LPAR6: variants seen among roughly 807,000 people sequenced by gnomAD.
LPAR6 encodes lysophosphatidic acid receptor 6.
In LPAR6, 17 loss-of-function variants were observed where a neutral mutation model predicts 22.0. The observed-to-expected ratio is 0.77, with a 90% CI of 0.53 to 1.16. The LOEUF is 1.16. Among genes scored for constraint, LPAR6 ranks in the 50% most tolerant of loss-of-function variants. LPAR6 has a pLI of 0.00. For synonymous variants in LPAR6, 136 were observed against 139.8 expected (o/e 0.97, Z 0.19); for missense variants, 384 against 406.9 (o/e 0.94, Z 0.48).
At chr13:48,391,494 C>T (rs1459935702) in intron 1 of LPAR6, 1 of 152,108 alleles carries the variant, frequency 6.6e-6, no homozygotes, top group Non-Finnish European at 1.5e-5. Flanking sequence ...GTGGCTCATA[C>T]CCGTAATCCC....
chr13:48,436,048 G>T (rs1303566157), intron 1 of LPAR6, among the ~76,000 whole-genome samples: 4 of 152,134 alleles, frequency 2.6e-5, no homozygotes, highest in Admixed American at 2.6e-4. Context: ...ATGTTAAAAG[G>T]ATGAATGAAA....
downstream of LPAR6, among the ~76,000 whole-genome samples, chr13:48,409,533 A>G (rs1054460617): frequency 2.7e-5 from 4 of 150,264 alleles, no homozygotes; most frequent in Non-Finnish European, 5.9e-5. Context: ...CTTAAATAGA[A>G]GGCATTCTTT....
intron 1 of LPAR6, among the ~76,000 whole-genome samples, chr13:48,396,692 T>C (rs1316594657): frequency 6.6e-6 from 1 of 152,030 alleles, no homozygotes; most frequent in Non-Finnish European, 1.5e-5. Context: ...AAAGAAACTA[T>C]CTTCAGAGTG....
At chr13:48,417,097 A>T (rs1446369525), upstream of LPAR6, 1 of 152,354 alleles carries the variant, frequency 6.6e-6, no homozygotes, top group African/African-American at 2.4e-5. Context: ...CTGCCTCCTC[A>T]AGTGGGTCTC....
downstream of LPAR6, among the ~76,000 whole-genome samples, chr13:48,408,389 A>T (rs149495106): frequency 1.3e-5 from 2 of 152,036 alleles, no homozygotes. Flanking sequence ...ACACCTGAAA[A>T]ATTTTCTCAG....
chr13:48,390,189 A>G (rs1384002152), intron 1 of LPAR6, among the ~76,000 whole-genome samples: 1 of 152,202 alleles, frequency 6.6e-6, no homozygotes, highest in Non-Finnish European at 1.5e-5. Flanking sequence ...ACAAACAAAC[A>G]AAAAGTAACA....
At chr13:48,406,811 T>G (rs1488198814), downstream of LPAR6, 5 of 152,246 alleles carry the variant, frequency 3.3e-5, no homozygotes, top group East Asian at 7.7e-4. Flanking sequence ...CCCAGCTGCT[T>G]GAGAGGCTGA....
chr13:48,425,168 T>C (rs1023312129), intron 1 of LPAR6, among the ~76,000 whole-genome samples: 2 of 152,224 alleles, frequency 1.3e-5, no homozygotes, highest in African/African-American at 4.8e-5. Context: ...AAAGAGCTTC[T>C]TGAGGAGATG....
chr13:48,407,947 G>T (rs1948754509), downstream of LPAR6, among the ~76,000 whole-genome samples: 1 of 152,104 alleles, frequency 6.6e-6, no homozygotes, highest in South Asian at 2.1e-4. Flanking sequence ...CTTGGAAATA[G>T]TAATTTAATA....
intron 2 of LPAR6, among the ~76,000 whole-genome samples, chr13:48,422,130 A>G (rs1013846896): frequency 2.0e-5 from 3 of 152,228 alleles, no homozygotes; most frequent in South Asian, 2.1e-4. Flanking sequence ...ATGCGCATCA[A>G]TGATAGACAG....
At chr13:48,443,698 A>G (rs1056995541) in intron 1 of LPAR6, among the ~76,000 whole-genome samples, 4 of 152,236 alleles carry the variant, frequency 2.6e-5, no homozygotes, top group African/African-American at 7.2e-5. Context: ...CACCAAGGGT[A>G]CATTTCATAC....
At chr13:48,404,850 G>A in intron 1 of LPAR6, among the ~76,000 whole-genome samples, 1 of 151,988 alleles carries the variant, frequency 6.6e-6, no homozygotes, top group East Asian at 1.9e-4. Context: ...TAAAGATAAT[G>A]AGAAAATTAT....
intron 1 of LPAR6, among the ~76,000 whole-genome samples, chr13:48,402,602 C>T (rs59128343): frequency 0.43 from 65,352 of 151,754 alleles, 17,334 homozygotes; most frequent in Middle Eastern, 0.6. Context: ...GTCTCAAACT[C>T]CTAGACTCAA....
At chr13:48,437,320 AG>A (rs1426359666) in intron 1 of LPAR6, among the ~76,000 whole-genome samples, 3 of 152,258 alleles carry the variant, frequency 2.0e-5, no homozygotes, top group Non-Finnish European at 4.4e-5. Flanking sequence ...TGCTTTAGAA[AG>A]AAATATACAT....
At chr13:48,409,676 G>C (rs1021167834), downstream of LPAR6, among the ~76,000 whole-genome samples, 2 of 143,220 alleles carry the variant, frequency 1.4e-5, no homozygotes. Flanking sequence ...TGACTCCTGG[G>C]TTCAAGCGAT....
At chr13:48,422,994 G>A (rs561231253) in intron 1 of LPAR6, among the ~76,000 whole-genome samples, 43 of 152,028 alleles carry the variant, frequency 2.8e-4, no homozygotes, top group Non-Finnish European at 5.7e-4. Flanking sequence ...GCCAAGTGTG[G>A]TGGTGGGCAC....
upstream of LPAR6, chr13:48,417,103 G>A (rs1948924528): frequency 6.6e-6 from 1 of 152,332 alleles, no homozygotes; most frequent in South Asian, 2.1e-4. Context: ...CCTCAAGTGG[G>A]TCTCTGACCC....
chr13:48,414,456 A>AT (rs1948874435), upstream of LPAR6, among the ~76,000 whole-genome samples: 1 of 152,034 alleles, frequency 6.6e-6, no homozygotes, highest in Non-Finnish European at 1.5e-5. Context: ...AAGATTGAGG[A>AT]TATCACAACC....
upstream of LPAR6, among the ~76,000 whole-genome samples, chr13:48,431,014 A>T (rs965609709): frequency 3.3e-5 from 5 of 152,206 alleles, no homozygotes; most frequent in African/African-American, 1.2e-4. Flanking sequence ...TTGACTAAAT[A>T]ATTTTGTTGC....
Sources: allele counts gnomAD v4.1 joint callset (sites outside exome capture counted in the v4.1 genomes callset), GRCh38; gene constraint gnomAD v4.1.1; transcripts MANE v1.5; gene names NCBI Gene and HGNC (gene_info 2026-07-23, HGNC 2026-07-21).